Variants in TUSC3 observed in about 807,000 individuals in gnomAD.
TUSC3 encodes dolichyl-diphosphooligosaccharide--protein glycosyltransferase subunit TUSC3.
TUSC3 carries 45 observed loss-of-function variants against 44.8 expected under a neutral mutation model. That is an observed-to-expected ratio of 1.00 (90% CI 0.79 to 1.29). The LOEUF (loss-of-function observed/expected upper bound fraction) is 1.29, where lower values mean the gene tolerates loss of function less well. Ranked by LOEUF, TUSC3 falls within the 50% of genes most tolerant of loss-of-function variation. The pLI, the probability that TUSC3 is intolerant of heterozygous loss-of-function variation, is 0.00. For synonymous variants in TUSC3, 212 were observed against 152.9 expected (o/e 1.39, Z -2.85); for missense variants, 519 against 437.9 (o/e 1.19, Z -1.65).
intron 2 of TUSC3, among the ~76,000 whole-genome samples, chr8:15,524,221 T>G (rs1261047378): frequency 6.6e-6 from 1 of 152,134 alleles, no homozygotes; most frequent in Admixed American, 6.5e-5. Context: ...ATACAAATAT[T>G]AAATAGGAGT....
intron 6 of TUSC3, among the ~76,000 whole-genome samples, chr8:15,720,199 T>TACACACACACAC (rs1278052451): frequency 6.8e-4 from 69 of 100,872 alleles, no homozygotes; most frequent in Middle Eastern, 5.7e-3. Flanking sequence ...TGTATATATA[T>TACACACACACAC]ATACACACAC....
chr8:15,521,618 C>T (rs1801297391), intron 2 of TUSC3, among the ~76,000 whole-genome samples: 1 of 151,966 alleles, frequency 6.6e-6, no homozygotes, highest in East Asian at 1.9e-4. Flanking sequence ...AATTACCCCC[C>T]CCAAAAAAAG....
chr8:15,536,755 G>C (rs1477366665), upstream of TUSC3, among the ~76,000 whole-genome samples: 3 of 137,006 alleles, frequency 2.2e-5, no homozygotes, highest in Admixed American at 8.1e-5. Context: ...AAGGAGTCTT[G>C]CATTATGCCT....
chr8:15,427,400 T>A (rs1281992192), intron 1 of TUSC3, among the ~76,000 whole-genome samples: 2 of 151,992 alleles, frequency 1.3e-5, no homozygotes, highest in Non-Finnish European at 2.9e-5. Flanking sequence ...TAAATGGTCA[T>A]AGCTGGCACC....
At chr8:15,742,184 C>G (rs928115816) in intron 7 of TUSC3, among the ~76,000 whole-genome samples, 2 of 116,188 alleles carry the variant, frequency 1.7e-5, no homozygotes, top group African/African-American at 6.2e-5. Flanking sequence ...AGCTGTGTAG[C>G]ATGGATCTCT....
downstream of TUSC3, among the ~76,000 whole-genome samples, chr8:15,768,709 A>G (rs1029427846): frequency 6.6e-6 from 1 of 152,222 alleles, no homozygotes; most frequent in African/African-American, 2.4e-5. Flanking sequence ...CTCAGCCCCA[A>G]ATCCCCTTAA....
At chr8:15,698,851 A>ATTT (rs572239797) in intron 6 of TUSC3, among the ~76,000 whole-genome samples, 86 of 145,228 alleles carry the variant, frequency 5.9e-4, no homozygotes, top group East Asian at 2.4e-3. Flanking sequence ...TCTTTTTTTC[A>ATTT]TTTTTTTTTT....
chr8:15,711,517 A>G (rs1809852418), intron 6 of TUSC3, among the ~76,000 whole-genome samples: 1 of 149,516 alleles, frequency 6.7e-6, no homozygotes, highest in Admixed American at 6.7e-5. Context: ...GTGTATATAT[A>G]TATATTTAAT....
At chr8:15,745,592 T>TGTC (rs1300018417) in intron 8 of TUSC3, among the ~76,000 whole-genome samples, 1 of 152,056 alleles carries the variant, frequency 6.6e-6, no homozygotes, top group Non-Finnish European at 1.5e-5. Context: ...ACTGGCCACT[T>TGTC]GTCTGTCTTT....
chr8:15,636,056 G>A (rs1443028653), intron 2 of TUSC3, among the ~76,000 whole-genome samples: 1 of 152,220 alleles, frequency 6.6e-6, no homozygotes, highest in East Asian at 1.9e-4. Flanking sequence ...CAGTACAAAT[G>A]TGGGAAGATT....
At chr8:15,815,568 G>A in the TUSC3 span, among the ~76,000 whole-genome samples, 1 of 152,038 alleles carries the variant, frequency 6.6e-6, no homozygotes, top group Non-Finnish European at 1.5e-5. Flanking sequence ...GAGAGACAGA[G>A]GAAGAGTAAT....
At chr8:15,571,452 G>A (rs1255352035) in intron 1 of TUSC3, among the ~76,000 whole-genome samples, 1 of 152,092 alleles carries the variant, frequency 6.6e-6, no homozygotes, top group Non-Finnish European at 1.5e-5. Flanking sequence ...ATAGCACTCT[G>A]TCTAAAAGAA....
intron 1 of TUSC3, among the ~76,000 whole-genome samples, chr8:15,465,335 T>A (rs1318773404): frequency 6.6e-6 from 1 of 152,178 alleles, no homozygotes; most frequent in East Asian, 1.9e-4. Flanking sequence ...GAAACTTACA[T>A]GTCTCAAATT....
At chr8:15,566,647 T>C (rs1265960624) in intron 1 of TUSC3, among the ~76,000 whole-genome samples, 1 of 151,482 alleles carries the variant, frequency 6.6e-6, no homozygotes, top group Non-Finnish European at 1.5e-5. Flanking sequence ...TGAGACAGGG[T>C]CTTGCTCTGT....
At chr8:15,732,630 A>T (rs182507779) in intron 7 of TUSC3, among the ~76,000 whole-genome samples, 142 of 152,348 alleles carry the variant, frequency 9.3e-4, no homozygotes, top group Non-Finnish European at 1.8e-3. Context: ...AAACATTGAA[A>T]TGACTTAATT....
chr8:15,642,650 G>C (rs1806428940), intron 2 of TUSC3, among the ~76,000 whole-genome samples: 1 of 152,144 alleles, frequency 6.6e-6, no homozygotes, highest in Non-Finnish European at 1.5e-5. Flanking sequence ...TAAGATGTGA[G>C]TTAACGCTTT....
Position 15,597,530 on chromosome 8 carries a change from T to C in TUSC3, c.139-25550T>C, listed in dbSNP as rs1804121659. Reference sequence around the variant, plus strand: ...GAGCTTTAAGTTAAATAAAATTCTTTGCAAATCATTTTTTAAGAGAATCAA... The same window carrying C: ...GAGCTTTAAGTTAAATAAAATTCTTCGCAAATCATTTTTTAAGAGAATCAA... On this transcript the variant is annotated intron_variant, in intron 1 of 10. Coordinates refer to ENST00000503731, the MANE Select transcript of TUSC3 (RefSeq NM_006765.4). Among the ~76,000 whole-genome samples the C allele has an allele frequency of 2.0e-5, 3 of 152,134 alleles. No homozygotes were observed. The South Asian group carries it at 6.2e-4, about 31-fold the overall frequency.
intron 6 of TUSC3, among the ~76,000 whole-genome samples, chr8:15,682,092 G>C (rs1385865917): frequency 6.6e-6 from 1 of 152,098 alleles, no homozygotes; most frequent in African/African-American, 2.4e-5. Context: ...GGATGTGATT[G>C]ATCTTCGAGT....
At chr8:15,538,402 A>G (rs1801559838), upstream of TUSC3, among the ~76,000 whole-genome samples, 1 of 152,196 alleles carries the variant, frequency 6.6e-6, no homozygotes, top group Admixed American at 6.5e-5. Context: ...ATGTTCACAT[A>G]ATAGTGGGAA....
Sources: allele counts gnomAD v4.1 joint callset (sites outside exome capture counted in the v4.1 genomes callset), GRCh38; gene constraint gnomAD v4.1.1; transcripts MANE v1.5; gene names NCBI Gene and HGNC (gene_info 2026-07-23, HGNC 2026-07-21).